Variants in DDX18 observed in about 807,000 individuals in gnomAD.
DDX18 encodes the protein ATP-dependent RNA helicase DDX18.
DDX18 carries 23 observed loss-of-function variants against 73.5 expected under a neutral mutation model. That is an observed-to-expected ratio of 0.31 (90% confidence interval 0.23 to 0.44). DDX18 has a LOEUF of 0.44. Ranked by LOEUF, DDX18 falls within the 20% of genes least tolerant of loss-of-function variation. The pLI is 1.00. For synonymous variants in DDX18, 268 were observed against 282.7 expected (o/e 0.95, Z 0.52); for missense variants, 753 against 792.9 (o/e 0.95, Z 0.60).
rs575659167 is a variant in DDX18 at position 117,826,236 on chromosome 2, T to C, written c.1522-33T>C. 32 of 1,591,428 alleles carry C rather than the reference T, an allele frequency of 2.0e-5. No homozygotes were observed. The Admixed American group carries it at 2.9e-4, about 14-fold the overall frequency. On this transcript the variant is annotated intron_variant, in intron 10 of 13. Coordinates refer to ENST00000263239, the MANE Select transcript of DDX18 (RefSeq NM_006773.4). ...GCAAATGGGCTCATGTGGAAGTCAC[T>C]GCGTTAACTCAGATTTTCTTTCTCC...
In DDX18 at chr2:117,817,473, C is replaced by A. The variant is rs1558731440; in HGVS notation, c.115C>A (p.Gln39Lys). The change falls in exon 2 of 14, where the codon CAA (glutamine) becomes AAA (lysine). Residue 39 changes from glutamine (Q) to lysine (K), a missense_variant. Coordinates refer to ENST00000263239, the MANE Select transcript of DDX18 (RefSeq NM_006773.4). ...GASNLTLSET[Q>K]NGDVSEETMG... ...CTCAAATCTGACCCTATCGGAAACT[C>A]AAAATGGAGATGTATCTGAAGAAAC... 6.2e-7 allele frequency: 1 copy of A among 1,610,808 alleles called. No individual in the cohort carries two copies. The highest frequency in any genetic ancestry group is 1.7e-5 in the Admixed American group (1 of 59,444).
At chr2:117,822,302 T>C (rs1304218902) in intron 7 of DDX18, 41 bp downstream of exon 7, 5 of 1,486,270 alleles carry the variant, frequency 3.4e-6, no homozygotes, top group South Asian at 1.1e-5. Context: ...AAAGTATCTG[T>C]TGGAGGTAGA....
chr2:117,822,343 A>G, intron 7 of DDX18, 82 bp downstream of exon 7: 1 of 1,108,784 alleles, frequency 9.0e-7, no homozygotes, highest in Non-Finnish European at 1.3e-6. Flanking sequence ...AAACTGTACT[A>G]ATGCCAGAAC....
Position 117,822,151 on chromosome 2 carries a change from C to T in DDX18, c.956C>T (p.Thr319Ile). 1 of 1,613,738 alleles carries T rather than the reference C, an allele frequency of 6.2e-7. No homozygotes were observed. The highest frequency in any genetic ancestry group is 8.5e-7 in the Non-Finnish European group (1 of 1,179,734). ...CTTTGTCCTTTGTTTTGTTAGAATACCCCAGGATTTATGTATAAAAACCTG... is the reference window on the plus strand; with the variant it reads ...CTTTGTCCTTTGTTTTGTTAGAATATCCCAGGATTTATGTATAAAAACCTG... ...PGRLLDHMQNTPGFMYKNLQC... is the reference protein window; with the variant it reads ...PGRLLDHMQNIPGFMYKNLQC... Residue 319 changes from threonine (T) to isoleucine (I), a missense_variant, in exon 7 of 14, where the codon ACC becomes ATC. Physicochemically the swap from Thr to Ile is moderately conservative, Grantham distance 89. This residue lies in a region of DDX18 where 402 missense variants were observed against 419.4 expected (regional missense o/e 0.96). Coordinates refer to ENST00000263239, the MANE Select transcript of DDX18 (RefSeq NM_006773.4).
chr2:117,830,471 G>T (rs1238020363), intron 13 of DDX18, 111 bp from the exon 14 acceptor site: 1 of 1,277,302 alleles, frequency 7.8e-7, no homozygotes, highest in Non-Finnish European at 1.1e-6. Flanking sequence ...TCATTGTTGA[G>T]AATGGGGTTG....
chr2:117,824,822 G>A, intron 8 of DDX18, 114 bp downstream of exon 8: 1 of 1,464,168 alleles, frequency 6.8e-7, no homozygotes, highest in South Asian at 1.4e-5. Flanking sequence ...AATGCTGTAG[G>A]TGAGGCATGA....
Position 117,831,787 on chromosome 2 carries a change from C to T in DDX18, c.*1063C>T, listed in dbSNP as rs776848453. ...AAAACAGCAAAATCAGTGATTTAGT[C>T]AGATGAGTTTTTCGTTGTAGGAGCA... On this transcript the variant is annotated 3_prime_UTR_variant, in exon 14 of 14. Transcript: ENST00000263239. 5 of 152,134 alleles carry T rather than the reference C, an allele frequency of 3.3e-5. No homozygotes were observed. Among genetic ancestry groups the T allele is most frequent in the Admixed American group, 1.3e-4 (2 of 15,276 alleles). 9.4% of individuals were successfully genotyped at this position (152,134 alleles called of 1,614,324 possible). A position where few individuals can be genotyped will look rare whatever the true frequency, so the allele number is the denominator to read the frequency against.
chr2:117,821,644 A>G lies in DDX18; in HGVS notation c.651-6A>G. On this transcript the variant is annotated splice_region_variant and splice_polypyrimidine_tract_variant and intron_variant, in intron 4 of 13. Coordinates refer to ENST00000263239, the MANE Select transcript of DDX18 (RefSeq NM_006773.4). Reference sequence around the variant, plus strand: ...TGTCTTTCTCCTTTCCCTTTTTAATATTTAGGGATCTTCTAGCAGCTGCAA... The same window carrying G: ...TGTCTTTCTCCTTTCCCTTTTTAATGTTTAGGGATCTTCTAGCAGCTGCAA... 1.9e-6 allele frequency: 3 copies of G among 1,613,740 alleles called. 1 individual carries two copies.
At chr2:117,829,101 A>G in intron 12 of DDX18, 96 bp downstream of exon 12, 12 of 1,236,456 alleles carry the variant, frequency 9.7e-6, no homozygotes, top group Non-Finnish European at 1.3e-5. Context: ...TTTGAAGTCT[A>G]CCCTGTCCTA....
Position 117,826,337 on chromosome 2 carries a change from G to T in DDX18, c.1590G>T (p.Leu530Phe), listed in dbSNP as rs1679927784. Residue 530 changes from leucine (L) to phenylalanine (F), a missense_variant, in exon 11 of 14, where the codon TTG becomes TTT. Transcript: ENST00000263239. ...GGAGAGGGCATGCCTTGCTCATTTT[G>T]CGCCCAGAAGAATTGGGTTTTCTTC... The part of the protein sequence containing the change: ...LNGRGHALLI[L>F]RPEELGFLRY... 1 of 1,613,970 alleles carries T rather than the reference G, an allele frequency of 6.2e-7. No individual in the cohort carries two copies. The highest frequency in any genetic ancestry group is 1.1e-5 in the South Asian group (1 of 91,088).
chr2:117,818,800 G>T (rs1170666283), intron 2 of DDX18, among the ~76,000 whole-genome samples: 1 of 152,126 alleles, frequency 6.6e-6, no homozygotes, highest in Non-Finnish European at 1.5e-5. Flanking sequence ...GGGATTACAG[G>T]CAGAAGCCAC....
intron 10 of DDX18, chr2:117,826,055 TTTTTTTTG>T (rs1679921550): frequency 3.6e-6 from 1 of 278,246 alleles, no homozygotes; most frequent in Admixed American, 5.0e-5. Flanking sequence ...TTTTTTTTTT[TTTTTTTTG>T]GGCCTCAATC....
chr2:117,822,363 G>A (rs1406101248), intron 7 of DDX18, 102 bp downstream of exon 7: 9 of 830,050 alleles, frequency 1.1e-5, no homozygotes, highest in Non-Finnish European at 1.6e-5. Flanking sequence ...CTTTACCATA[G>A]CCAAGTGAGG....
intron 9 of DDX18, 87 bp from the exon 10 acceptor site, chr2:117,825,360 A>AAG: frequency 1.3e-6 from 2 of 1,481,766 alleles, no homozygotes; most frequent in Non-Finnish European, 1.8e-6. Flanking sequence ...TGAGCTCGAA[A>AAG]TAGGGTAACA....
In DDX18 at chr2:117,826,399, G is replaced by C; in HGVS notation, c.1635+17G>C. The C allele has an allele frequency of 1.2e-6, 2 of 1,607,008 alleles. No homozygotes were observed. The highest frequency in any genetic ancestry group is 1.7e-6 in the Non-Finnish European group (2 of 1,174,670). ...CAATCCAAGGTAAAGATCTGTACTT[G>C]GAGAAAGATTTCTCTTGGTGTAGGG... On this transcript the variant is annotated intron_variant, in intron 11 of 13. Transcript: ENST00000263239.
At chr2:117,830,483 G>A in intron 13 of DDX18, 99 bp from the exon 14 acceptor site, 2 of 1,359,050 alleles carry the variant, frequency 1.5e-6, no homozygotes, top group Non-Finnish European at 9.9e-7. Context: ...ATGGGGTTGT[G>A]GAGGAACAGT....
Position 117,824,639 on chromosome 2 carries a change from G to GA in DDX18, c.1142dup (p.Glu382GlyfsTer8). On this transcript the variant is annotated frameshift_variant, in exon 8 of 14. Transcript: ENST00000263239. LOFTEE classifies it high-confidence loss of function. ...TTGAAGACCTGGCAAGGATTTCTCT[G>GA]AAAAAGGAGCCATTGTATGTTGGCG... The GA allele has an allele frequency of 6.7e-7, 1 of 1,501,298 alleles. No individual in the cohort carries two copies. The highest frequency in any genetic ancestry group is 8.9e-7 in the Non-Finnish European group (1 of 1,127,122). The allele number at this position is 1,501,298 out of a possible 1,614,324, so 93.0% of individuals were successfully genotyped here.
Position 117,825,450 on chromosome 2 carries a change from A to G in DDX18, c.1372A>G (p.Lys458Glu), listed in dbSNP as rs1194600925. The change falls in exon 10 of 14, where the codon AAG (lysine) becomes GAG (glutamate). Residue 458 changes from lysine to glutamate, a missense_variant. Lys to Glu is a moderately conservative substitution (Grantham distance 56, BLOSUM62 1). This residue lies in a region of DDX18 where 402 missense variants were observed against 419.4 expected (regional missense o/e 0.96). Transcript: ENST00000263239. ...GGATGTTTTTATTTAATTCTAGGGA[A>G]AGCAAAAGCAAAATAAGCGTACAAC... ...IDLPVLAIHGKQKQNKRTTTF... is the reference protein window; with the variant it reads ...IDLPVLAIHGEQKQNKRTTTF... 2 of 1,611,224 alleles carry G rather than the reference A, an allele frequency of 1.2e-6. No individual in the cohort carries two copies. Among genetic ancestry groups the G allele is most frequent in the East Asian group, 4.5e-5 (2 of 44,816 alleles).
intron 7 of DDX18, among the ~76,000 whole-genome samples, chr2:117,823,378 T>G (rs938601606): frequency 1.3e-5 from 2 of 152,186 alleles, no homozygotes; most frequent in African/African-American, 4.8e-5. Context: ...TTCACATCTT[T>G]TGTCAGATTT....
Sources: allele counts gnomAD v4.1 joint callset (sites outside exome capture counted in the v4.1 genomes callset), GRCh38; gene constraint gnomAD v4.1.1; regional missense constraint gnomAD v4.1.1; transcripts MANE v1.5; gene names NCBI Gene and HGNC (gene_info 2026-07-23, HGNC 2026-07-21).